IHO1: variants seen among roughly 807,000 people sequenced by gnomAD.
IHO1 encodes interactor of HORMAD1 1, also known as interactor of HORMAD1 protein 1.
IHO1 carries 13 observed loss-of-function variants against 31.0 expected under a neutral mutation model. That is an observed-to-expected ratio of 0.42 (90% CI 0.27 to 0.67). The LOEUF is 0.67. Among genes scored for constraint, IHO1 ranks in the 30% least tolerant of loss-of-function variants. The probability of loss-of-function intolerance (pLI) is 0.24; values close to 1 mark genes in which losing one functional copy is unlikely to be tolerated. For synonymous variants in IHO1, 221 were observed against 248.4 expected, an observed-to-expected ratio of 0.89 and a Z score of 1.04; for missense variants, 599 against 687.5, an observed-to-expected ratio of 0.87 and a Z score of 1.44.
intron 1 of IHO1, chr3:49,200,677 C>A: frequency 5.8e-6 from 3 of 520,636 alleles, no homozygotes; most frequent in African/African-American, 2.1e-5. Context: ...ATGCACTCAA[C>A]TTTTTCTCCC....
intron 6 of IHO1, among the ~76,000 whole-genome samples, chr3:49,252,491 T>A (rs919690562): frequency 2.6e-5 from 4 of 152,090 alleles, no homozygotes; most frequent in Admixed American, 6.6e-5. Flanking sequence ...CAATCACAGC[T>A]GACTGTAGCT....
intron 2 of IHO1, among the ~76,000 whole-genome samples, chr3:49,219,634 C>T (rs112447528): frequency 4.6e-5 from 7 of 152,230 alleles, no homozygotes; most frequent in East Asian, 1.9e-4. Flanking sequence ...TCTCCACAAC[C>T]GAGCTGGTCT....
At chr3:49,248,624 T>C (rs2046724635) in intron 6 of IHO1, among the ~76,000 whole-genome samples, 1 of 150,818 alleles carries the variant, frequency 6.6e-6, no homozygotes, top group Non-Finnish European at 1.5e-5. Flanking sequence ...TCCTAGCTAC[T>C]TGGGAGGCAG....
intron 2 of IHO1, among the ~76,000 whole-genome samples, chr3:49,214,990 G>A (rs1473649230): frequency 6.6e-6 from 1 of 150,670 alleles, no homozygotes; most frequent in South Asian, 2.1e-4. Context: ...TTTTGTTGCT[G>A]CTTGTTCCTT....
At chr3:49,200,103 C>G (rs1206620230) in intron 1 of IHO1, among the ~76,000 whole-genome samples, 1 of 152,132 alleles carries the variant, frequency 6.6e-6, no homozygotes, top group Non-Finnish European at 1.5e-5. Flanking sequence ...GAGTAAGAGA[C>G]CTGATTTTTT....
Position 49,256,877 on chromosome 3 carries a change from G to A in IHO1, c.1380G>A (p.Lys460=), listed in dbSNP as rs760133512. Reference sequence around the variant, plus strand: ...ACAGAGGCAGGCTCATAGCCAGCAAGCAAAAACAAATCCCAATCCAGACCT... The same window carrying A: ...ACAGAGGCAGGCTCATAGCCAGCAAACAAAAACAAATCCCAATCCAGACCT... ...RAHRGRLIAS[K]QKQIPIQTCK... Residue 460 remains lysine, a synonymous_variant, in exon 8 of 8, where the codon AAG becomes AAA. Transcript: ENST00000452691. This position sits in a 1 kb window ranked among gnomAD's most constrained non-coding sequence, Gnocchi z 4.6. The A allele has an allele frequency of 2.3e-5, 37 of 1,614,210 alleles. No individual in the cohort carries two copies. The Admixed American group carries it at 6.0e-4, about 26-fold the overall frequency.
upstream of IHO1, among the ~76,000 whole-genome samples, chr3:49,196,427 T>G (rs2045996492): frequency 1.3e-5 from 2 of 148,772 alleles, no homozygotes; most frequent in South Asian, 2.2e-4. Context: ...CACGCCATTC[T>G]CCTGCCTCAG....
intron 2 of IHO1, among the ~76,000 whole-genome samples, chr3:49,221,332 A>C (rs563620117): frequency 6.6e-6 from 1 of 151,228 alleles, no homozygotes; most frequent in Non-Finnish European, 1.5e-5. Context: ...TGCGTTTACA[A>C]TCCTTTAGCT....
In IHO1 at chr3:49,244,628, T is replaced by C. The variant is rs2046673099; in HGVS notation, c.445-18T>C. ...AGGCAATAGCCTGTGAATTATTTCA[T>C]AATTTTGGGTTTCTTAGTTGCAGAC... On this transcript the variant is annotated intron_variant, in intron 5 of 7. Coordinates refer to ENST00000452691, the MANE Select transcript of IHO1 (RefSeq NM_001135197.2). 2.5e-6 allele frequency: 4 copies of C among 1,603,898 alleles called. No individual in the cohort carries two copies. In the South Asian group the frequency reaches 4.4e-5, roughly 18 times the overall value.
intron 2 of IHO1, among the ~76,000 whole-genome samples, chr3:49,217,581 A>C (rs1317146705): frequency 2.6e-5 from 4 of 152,016 alleles, no homozygotes; most frequent in Admixed American, 2.0e-4. Context: ...AACATGGCAC[A>C]TGTATACCTA....
rs66767086 is a variant in IHO1, at chr3:49,202,323, A to ATT, written c.-16+2770_-16+2771dup. 2.0e-3 allele frequency among the ~76,000 whole-genome samples: 267 copies of ATT among 132,486 alleles called. 5 individuals carry two copies. Among genetic ancestry groups the ATT allele is most frequent in the African/African-American group, 6.7e-3 (239 of 35,488 alleles). The allele number at this position is 132,486 out of a possible 152,430, so 86.9% of individuals were successfully genotyped here. A position where few individuals can be genotyped will look rare whatever the true frequency, so the allele number is the denominator to read the frequency against. ...ATTGTCAAGAGGTTACTTCTTTTTA[A>ATT]TTTTTTTTTTTTTTTTTTTTTGAGA... is the stretch of plus-strand genomic sequence containing the variant. On this transcript the variant is annotated intron_variant, in intron 1 of 7. Transcript: ENST00000452691.
chr3:49,206,674 A>G (rs1240218280), intron 1 of IHO1, among the ~76,000 whole-genome samples: 1 of 152,166 alleles, frequency 6.6e-6, no homozygotes, highest in Non-Finnish European at 1.5e-5. Flanking sequence ...TCTCCTGAGA[A>G]TGCAGCTCAG....
chr3:49,202,778 C>T lies in IHO1; in HGVS notation c.-16+3205C>T, dbSNP rs534479606. Among the ~76,000 whole-genome samples, 7 of 151,814 alleles carry T rather than the reference C, an allele frequency of 4.6e-5. No individual in the cohort carries two copies. In the South Asian group the frequency reaches 1.0e-3, roughly 23 times the overall value. On this transcript the variant is annotated intron_variant, in intron 1 of 7. Coordinates refer to ENST00000452691, the MANE Select transcript of IHO1 (RefSeq NM_001135197.2). ...GCAACCTCCGCCTCCTGGGTTCAAG[C>T]GATTCTCCTGCCTCAGCCTCCCAAG...
chr3:49,232,213 C>T (rs2046491882), intron 2 of IHO1, among the ~76,000 whole-genome samples: 1 of 152,218 alleles, frequency 6.6e-6, no homozygotes. Flanking sequence ...ATATAATTCT[C>T]AAGGACAAGC....
At chr3:49,221,726 C>T (rs1244787192) in intron 2 of IHO1, among the ~76,000 whole-genome samples, 4 of 152,272 alleles carry the variant, frequency 2.6e-5, no homozygotes, top group African/African-American at 7.2e-5. Context: ...TTTGTAAGAC[C>T]ATCTATAGAC....
chr3:49,205,564 G>A (rs998160242), intron 1 of IHO1, among the ~76,000 whole-genome samples: 4 of 150,910 alleles, frequency 2.7e-5, no homozygotes, highest in African/African-American at 7.3e-5. Context: ...CGAGTGCTGC[G>A]ATTACAGCGT....
chr3:49,194,612 T>G (rs2045987402), upstream of IHO1, among the ~76,000 whole-genome samples: 1 of 144,034 alleles, frequency 6.9e-6, no homozygotes, highest in South Asian at 2.6e-4. Context: ...ATTTATAAAA[T>G]CGGCATGGCA....
intron 6 of IHO1, among the ~76,000 whole-genome samples, chr3:49,250,742 A>G (rs951085482): frequency 1.3e-5 from 2 of 152,102 alleles, no homozygotes; most frequent in Admixed American, 6.6e-5. Flanking sequence ...TTTCTAAAAA[A>G]TTCTTTGGGC....
intron 2 of IHO1, among the ~76,000 whole-genome samples, chr3:49,216,947 T>C (rs2046293968): frequency 6.6e-6 from 1 of 152,196 alleles, no homozygotes. Context: ...AGATACCATC[T>C]CAAGCCAGTT....
Sources: gnomAD v4.1 joint callset for allele counts (sites outside exome capture counted in the v4.1 genomes callset) on GRCh38, gnomAD v4.1.1 for gene constraint, Gnocchi (gnomAD v3.1) non-coding constraint, MANE v1.5 for transcripts, NCBI Gene and HGNC (gene_info 2026-07-23, HGNC 2026-07-21) for gene names.